Variants in PLPP4 observed in about 807,000 individuals in gnomAD.
The protein encoded by PLPP4 is diacylglycerol pyrophosphate like 2.
PLPP4 carries 20 observed loss-of-function variants against 32.2 expected under a neutral mutation model. The observed-to-expected ratio is 0.62, with a 90% confidence interval of 0.44 to 0.90. The LOEUF (loss-of-function observed/expected upper bound fraction) is 0.90, where lower values mean the gene tolerates loss of function less well. Ranked by LOEUF, PLPP4 falls within the 40% of genes least tolerant of loss-of-function variation. The pLI is 0.00. For synonymous variants in PLPP4, 127 were observed against 133.0 expected, an observed-to-expected ratio of 0.95 and a Z score of 0.31; for missense variants, 257 against 353.1, an observed-to-expected ratio of 0.73 and a Z score of 2.18.
chr10:120,532,566 A>G (rs904160443), intron 5 of PLPP4, among the ~76,000 whole-genome samples: 8 of 152,240 alleles, frequency 5.3e-5, no homozygotes, highest in African/African-American at 1.7e-4. Context: ...CCACAATCTA[A>G]TTTCACATTT....
chr10:120,580,883 A>G (rs751701020), intron 6 of PLPP4: 165 of 1,288,614 alleles, frequency 1.3e-4, no homozygotes, highest in Middle Eastern at 2.1e-4. Context: ...ATGTCACCTC[A>G]TTTTCCCTCC....
intron 1 of PLPP4, among the ~76,000 whole-genome samples, chr10:120,492,119 T>C (rs1589757335): frequency 1.3e-5 from 2 of 152,206 alleles, no homozygotes; most frequent in South Asian, 4.1e-4. Context: ...CTGCCCATTT[T>C]ATAGATGAGC....
chr10:120,457,168 C>T (rs1182011028), upstream of PLPP4: 23 of 451,176 alleles, frequency 5.1e-5, no homozygotes, highest in African/African-American at 4.6e-4. Flanking sequence ...TGCCCCCGCC[C>T]GGCGCCCGCC....
chr10:120,560,821 C>T (rs545877464), intron 5 of PLPP4, among the ~76,000 whole-genome samples: 5 of 152,126 alleles, frequency 3.3e-5, no homozygotes, highest in African/African-American at 1.2e-4. Context: ...ATTTTTGCAC[C>T]AACCTGTACA....
intron 5 of PLPP4, among the ~76,000 whole-genome samples, chr10:120,554,445 T>G (rs1489716769): frequency 1.0e-5 from 1 of 98,554 alleles, no homozygotes; most frequent in African/African-American, 3.5e-5. Context: ...CTTCCTGTCT[T>G]TGGCTGAGCC....
At position 120,502,863 on chromosome 10, in the gene PLPP4, G is replaced by A. The variant is rs371745910; in HGVS notation, c.57-955G>A. Among the ~76,000 whole-genome samples the A allele has an allele frequency of 2.2e-4, 34 of 152,262 alleles. No homozygotes were observed. The East Asian group carries it at 2.9e-3, about 13-fold the overall frequency. On this transcript the variant is annotated intron_variant, in intron 1 of 6. Coordinates refer to ENST00000398250, the MANE Select transcript of PLPP4 (RefSeq NM_001030059.3). ...CACCTTAGAGGGTTTCCTAGGAGAA[G>A]CTCAGCTTTCTCCTCCTCTCCCGCT...
At chr10:120,579,135 T>G (rs961513831) in intron 6 of PLPP4, among the ~76,000 whole-genome samples, 13 of 152,314 alleles carry the variant, frequency 8.5e-5, no homozygotes, top group African/African-American at 3.1e-4. Context: ...TGAGCTCCCC[T>G]GACCCCTCAA....
intron 2 of PLPP4, among the ~76,000 whole-genome samples, chr10:120,512,009 G>A (rs977593498): frequency 5.9e-5 from 9 of 152,074 alleles, no homozygotes; most frequent in Non-Finnish European, 1.3e-4. Context: ...CAGGAGAATG[G>A]CGTGAACCCA....
chr10:120,579,131 C>T (rs1226608224), intron 6 of PLPP4, among the ~76,000 whole-genome samples: 1 of 152,108 alleles, frequency 6.6e-6, no homozygotes, highest in Non-Finnish European at 1.5e-5. Context: ...ATAATGAGCT[C>T]CCCTGACCCC....
chr10:120,583,696 T>C (rs1849622733), intron 6 of PLPP4, among the ~76,000 whole-genome samples: 2 of 152,218 alleles, frequency 1.3e-5, no homozygotes, highest in Admixed American at 6.5e-5. Context: ...CCATACAATG[T>C]GTGGCCATTT....
At chr10:120,536,556 T>C (rs1176280534) in intron 5 of PLPP4, among the ~76,000 whole-genome samples, 1 of 151,054 alleles carries the variant, frequency 6.6e-6, no homozygotes, top group Non-Finnish European at 1.5e-5. Flanking sequence ...GAATTAAGGA[T>C]TTAAACATAA....
chr10:120,556,537 G>GA (rs1564837939), intron 5 of PLPP4, among the ~76,000 whole-genome samples: 1 of 152,182 alleles, frequency 6.6e-6, no homozygotes, highest in Non-Finnish European at 1.5e-5. Context: ...AAGAAATGCA[G>GA]AAAAAAGTCC....
At chr10:120,503,760 G>T in intron 1 of PLPP4, 58 bp from the exon 2 acceptor site, 1 of 1,593,192 alleles carries the variant, frequency 6.3e-7, no homozygotes, top group East Asian at 2.2e-5. Flanking sequence ...GCCTCCTTGG[G>T]AACTTCCCAC....
chr10:120,498,606 G>A (rs2133854843), intron 1 of PLPP4, among the ~76,000 whole-genome samples: 1 of 151,634 alleles, frequency 6.6e-6, no homozygotes, highest in African/African-American at 2.4e-5. Context: ...CATGATTTCA[G>A]TACAGAGGGC....
At chr10:120,566,578 TG>T (rs1460520382) in intron 5 of PLPP4, among the ~76,000 whole-genome samples, 1 of 148,438 alleles carries the variant, frequency 6.7e-6, no homozygotes, top group East Asian at 2.0e-4. Flanking sequence ...AGTCTCACCC[TG>T]TCACCCAGGC....
At chr10:120,535,822 G>A (rs1159025164) in intron 5 of PLPP4, among the ~76,000 whole-genome samples, 1 of 152,036 alleles carries the variant, frequency 6.6e-6, no homozygotes, top group African/African-American at 2.4e-5. Flanking sequence ...TTAACCCTTG[G>A]TGATGGAATG....
chr10:120,457,399 C>T (rs1029834866), intron 1 of PLPP4, 38 bp downstream of exon 1: 30 of 1,515,398 alleles, frequency 2.0e-5, no homozygotes, highest in Non-Finnish European at 2.5e-5. Context: ...CGCACTGACG[C>T]GGGGGAACAA....
chr10:120,495,461 G>A (rs1164460900), intron 1 of PLPP4, among the ~76,000 whole-genome samples: 1 of 152,084 alleles, frequency 6.6e-6, no homozygotes, highest in African/African-American at 2.4e-5. Context: ...GAGTGGAGTG[G>A]CCTGCCTTTT....
intron 2 of PLPP4, among the ~76,000 whole-genome samples, chr10:120,513,398 G>A (rs1379460115): frequency 2.0e-5 from 3 of 152,134 alleles, no homozygotes; most frequent in African/African-American, 7.2e-5. Context: ...TGGAGGAAAG[G>A]GTATAGAGGA....
Sources: gnomAD v4.1 joint callset for allele counts (sites outside exome capture counted in the v4.1 genomes callset) on GRCh38, gnomAD v4.1.1 for gene constraint, MANE v1.5 for transcripts, NCBI Gene and HGNC (gene_info 2026-07-23, HGNC 2026-07-21) for gene names.